Variants in MB21D2 observed in about 807,000 individuals in gnomAD.
MB21D2 encodes the protein Mab-21 domain containing 2.
A neutral mutation model predicts 33.3 loss-of-function variants in MB21D2; 9 were observed. The ratio of observed to expected loss-of-function variants is 0.27; its 90% CI spans 0.16 to 0.47. MB21D2 has a LOEUF of 0.47. Among genes scored for constraint, MB21D2 ranks in the 20% least tolerant of loss-of-function variants. The probability of loss-of-function intolerance (pLI) is 0.99; values close to 1 mark genes in which losing one functional copy is unlikely to be tolerated. For synonymous variants in MB21D2, 241 were observed against 236.3 expected, an observed-to-expected ratio of 1.02 and a Z score of -0.18; for missense variants, 540 against 624.6, an observed-to-expected ratio of 0.86 and a Z score of 1.44.
intron 1 of MB21D2, among the ~76,000 whole-genome samples, chr3:192,887,957 T>C (rs906826705): frequency 1.3e-5 from 2 of 151,950 alleles, no homozygotes; most frequent in Admixed American, 1.3e-4. Context: ...ACGGGTCCCA[T>C]ACTGAGGAAC....
intron 1 of MB21D2, among the ~76,000 whole-genome samples, chr3:192,880,307 A>G (rs575564855): frequency 6.6e-6 from 1 of 152,100 alleles, no homozygotes; most frequent in East Asian, 1.9e-4. Context: ...AGATTGCACC[A>G]CCGCACTCCA....
At chr3:192,837,152 G>A (rs921767516) in intron 1 of MB21D2, among the ~76,000 whole-genome samples, 2 of 152,122 alleles carry the variant, frequency 1.3e-5, no homozygotes, top group Non-Finnish European at 2.9e-5. Flanking sequence ...CTGTTGACCA[G>A]AGTAAGTATT....
At chr3:192,888,903 G>C (rs1365953182) in intron 1 of MB21D2, among the ~76,000 whole-genome samples, 2 of 152,010 alleles carry the variant, frequency 1.3e-5, no homozygotes, top group Non-Finnish European at 2.9e-5. Flanking sequence ...CTAGAGTCCA[G>C]CTCTGTCACC....
chr3:192,895,717 T>G (rs866827964), intron 1 of MB21D2, among the ~76,000 whole-genome samples: 7 of 107,468 alleles, frequency 6.5e-5, no homozygotes, highest in African/African-American at 1.9e-4. Flanking sequence ...CTCAAGTTGT[T>G]GGGTTTTTGG....
intron 1 of MB21D2, among the ~76,000 whole-genome samples, chr3:192,836,595 G>A (rs185028631): frequency 9.2e-5 from 14 of 152,246 alleles, no homozygotes; most frequent in Admixed American, 7.2e-4. Flanking sequence ...GCAAGCAGGC[G>A]GCCGTCTGCA....
chr3:192,891,936 T>G (rs1442644853), intron 1 of MB21D2, among the ~76,000 whole-genome samples: 1 of 152,142 alleles, frequency 6.6e-6, no homozygotes, highest in African/African-American at 2.4e-5. Flanking sequence ...ACTTTAGGCC[T>G]ATTATTTAAC....
rs1284618099 is a variant in MB21D2, at chr3:192,799,410, C to T, written c.452G>A (p.Arg151Gln). ...ACTGATTGTCCCCTCATCAAAGAGC[C>T]GAAGGCTCAGCCAAGAGTGGCACAA... ...SALCHSWLSL[R>Q]LFDEGTISKW... The change falls in exon 2 of 2, where the codon CGG becomes CAG. Residue 151 changes from arginine to glutamine, a missense_variant. Coordinates refer to ENST00000392452, the MANE Select transcript of MB21D2 (RefSeq NM_178496.4). The surrounding 1 kb of genome is among the most constrained non-coding windows in gnomAD (Gnocchi z 4.1). 5 of 1,614,018 alleles carry T rather than the reference C, an allele frequency of 3.1e-6. No homozygotes were observed. Among genetic ancestry groups the T allele is most frequent in the Non-Finnish European group, 4.2e-6 (5 of 1,180,034 alleles).
chr3:192,868,341 G>T (rs1713213595), intron 1 of MB21D2, among the ~76,000 whole-genome samples: 1 of 152,186 alleles, frequency 6.6e-6, no homozygotes, highest in Non-Finnish European at 1.5e-5. Context: ...GAAGCAAGTG[G>T]AGCAGAGGGG....
At chr3:192,831,361 C>T (rs769665393) in intron 1 of MB21D2, among the ~76,000 whole-genome samples, 2 of 152,176 alleles carry the variant, frequency 1.3e-5, no homozygotes, top group Non-Finnish European at 2.9e-5. Context: ...ACCAGAACTA[C>T]TCAACTACAC....
At chr3:192,856,604 A>T (rs1194906396) in intron 1 of MB21D2, among the ~76,000 whole-genome samples, 1 of 152,012 alleles carries the variant, frequency 6.6e-6, no homozygotes, top group Non-Finnish European at 1.5e-5. Context: ...CCCAGGCTGG[A>T]GTGCAGTGGT....
At chr3:192,886,336 T>C (rs1477418627) in intron 1 of MB21D2, among the ~76,000 whole-genome samples, 1 of 152,186 alleles carries the variant, frequency 6.6e-6, no homozygotes, top group African/African-American at 2.4e-5. Flanking sequence ...CTTGCTAACA[T>C]TCTTGAGTAC....
intron 1 of MB21D2, among the ~76,000 whole-genome samples, chr3:192,830,861 T>A (rs7633254): frequency 0.62 from 94,102 of 152,132 alleles, 31,334 homozygotes; most frequent in African/African-American, 0.87. Flanking sequence ...AAGTTCTACA[T>A]GTGCTAGAAA....
chr3:192,852,805 C>T (rs932299770), intron 1 of MB21D2, among the ~76,000 whole-genome samples: 37 of 152,268 alleles, frequency 2.4e-4, no homozygotes, highest in African/African-American at 8.2e-4. Flanking sequence ...CCACTGACCC[C>T]CACTTCCAGT....
chr3:192,858,972 A>C (rs932366262), intron 1 of MB21D2, among the ~76,000 whole-genome samples: 1 of 152,208 alleles, frequency 6.6e-6, no homozygotes, highest in Admixed American at 6.5e-5. Flanking sequence ...GCTCCAGGAA[A>C]GCTCTTAGGA....
chr3:192,832,115 C>T (rs1411952742), intron 1 of MB21D2, among the ~76,000 whole-genome samples: 38 of 152,336 alleles, frequency 2.5e-4, no homozygotes, highest in Non-Finnish European at 2.9e-5. Context: ...GATAAATACA[C>T]ACCCAGGCCC....
chr3:192,804,780 A>C (rs1449984101), intron 1 of MB21D2, among the ~76,000 whole-genome samples: 1 of 152,152 alleles, frequency 6.6e-6, no homozygotes, highest in Non-Finnish European at 1.5e-5. Context: ...GGTTGACAAT[A>C]AACAATATAA....
intron 1 of MB21D2, among the ~76,000 whole-genome samples, chr3:192,821,895 A>AT (rs889158634): frequency 3.9e-5 from 6 of 151,900 alleles, no homozygotes; most frequent in African/African-American, 1.4e-4. Context: ...ACTGTGCTCA[A>AT]TTTTTTTCTC....
chr3:192,885,578 G>A (rs1285342747), intron 1 of MB21D2, among the ~76,000 whole-genome samples: 1 of 152,038 alleles, frequency 6.6e-6, no homozygotes, highest in African/African-American at 2.4e-5. Flanking sequence ...CCTCTAAGAA[G>A]CTCCAAGAAG....
intron 1 of MB21D2, among the ~76,000 whole-genome samples, chr3:192,844,086 GT>G (rs1468185241): frequency 6.6e-6 from 1 of 151,998 alleles, no homozygotes; most frequent in Non-Finnish European, 1.5e-5. Flanking sequence ...TTTCTTTCTA[GT>G]TCTGCCTCTC....
Sources: gnomAD v4.1 joint callset for allele counts (sites outside exome capture counted in the v4.1 genomes callset) on GRCh38, gnomAD v4.1.1 for gene constraint, Gnocchi (gnomAD v3.1) non-coding constraint, MANE v1.5 for transcripts, NCBI Gene and HGNC (gene_info 2026-07-23, HGNC 2026-07-21) for gene names.